Variants in FAM13B observed in about 807,000 individuals in gnomAD.
FAM13B encodes family with sequence similarity 13 member B, also known as protein FAM13B.
Under a neutral mutation model 117.3 loss-of-function variants are expected in FAM13B, and 60 were observed. The ratio of observed to expected loss-of-function variants is 0.51; its 90% CI spans 0.42 to 0.63. FAM13B has a LOEUF of 0.63. Among genes scored for constraint, FAM13B ranks in the 30% least tolerant of loss-of-function variants. The pLI, the probability that FAM13B is intolerant of heterozygous loss-of-function variation, is 0.00. For missense variants in FAM13B, 972 were observed against 1,091.9 expected (o/e 0.89, Z 1.55); for synonymous variants, 332 against 356.1 (o/e 0.93, Z 0.76).
In FAM13B at chr5:138,018,938, A is replaced by G. The variant is rs1785923484; in HGVS notation, c.157+17T>C. On this transcript the variant is annotated intron_variant, in intron 3 of 23. Transcript: ENST00000689681. ...TATTAAAACAAAAGCTAGCCCTCAA[A>G]GTAAGGAAATGTATACCATGTTCCT... 1 of 1,583,390 alleles carries G rather than the reference A, an allele frequency of 6.3e-7. No individual in the cohort carries two copies. The highest frequency in any genetic ancestry group is 1.3e-5 in the African/African-American group (1 of 74,250).
chr5:138,004,218 G>A (rs967334080), intron 7 of FAM13B, among the ~76,000 whole-genome samples: 20 of 150,976 alleles, frequency 1.3e-4, no homozygotes, highest in African/African-American at 3.9e-4. Context: ...GCAGTGAGCC[G>A]AGATCACACC....
chr5:137,954,065 T>TTTTGTTG, intron 15 of FAM13B, 101 bp downstream of exon 15: 1 of 499,342 alleles, frequency 2.0e-6, no homozygotes, highest in South Asian at 4.4e-5. Flanking sequence ...TTTTTTGAGA[T>TTTTGTTG]GGAGTTTCAC....
intron 10 of FAM13B, among the ~76,000 whole-genome samples, chr5:137,973,268 T>C (rs367888668): frequency 6.6e-6 from 1 of 152,048 alleles, no homozygotes; most frequent in Non-Finnish European, 1.5e-5. Context: ...GAGATATAGA[T>C]CAATGGAACA....
At chr5:137,979,462 C>G (rs909375799) in intron 10 of FAM13B, among the ~76,000 whole-genome samples, 1 of 152,190 alleles carries the variant, frequency 6.6e-6, no homozygotes, top group Non-Finnish European at 1.5e-5. Flanking sequence ...ATTCCCTCTG[C>G]TTCAAAGTTT....
chr5:137,943,551 C>T (rs1165154720), intron 20 of FAM13B, among the ~76,000 whole-genome samples: 1 of 152,180 alleles, frequency 6.6e-6, no homozygotes, highest in East Asian at 1.9e-4. Flanking sequence ...CGAGACCATC[C>T]TGGCTAACAC....
At chr5:137,957,044 T>C (rs932590523) in intron 13 of FAM13B, among the ~76,000 whole-genome samples, 2 of 152,186 alleles carry the variant, frequency 1.3e-5, no homozygotes, top group African/African-American at 4.8e-5. Flanking sequence ...TGCTAACTAC[T>C]ACTGCATTCT....
intron 22 of FAM13B, chr5:137,942,568 G>T: frequency 3.2e-6 from 1 of 311,858 alleles, no homozygotes; most frequent in Non-Finnish European, 5.9e-6. Context: ...CCACTATATT[G>T]CCCAGGCTGG....
At chr5:138,024,812 CAGAGAG>C (rs4033316) in intron 1 of FAM13B, among the ~76,000 whole-genome samples, 40,975 of 143,896 alleles carry the variant, frequency 0.28, 5,977 homozygotes, top group South Asian at 0.38. Context: ...CACACACACA[CAGAGAG>C]AGAGAGAGAG....
Position 137,949,133 on chromosome 5 carries a change from C to T in FAM13B, c.1982G>A (p.Arg661His), listed in dbSNP as rs749706241. Residue 661 changes from arginine to histidine, a missense_variant, in exon 18 of 24, where the codon CGT (arginine) becomes CAT (histidine). Arg to His is a conservative substitution (Grantham distance 29). Transcript: ENST00000689681. The stretch of plus-strand genomic sequence containing the variant: ...AAAGCTTTTTGGAAGTGTGTTACTA[C>T]GTGGACGTGTCTGAGGTACAAATTC... ...DGEFVPQTRP[R>H]SNTLPKSFGS... 5.3e-5 allele frequency: 86 copies of T among 1,614,000 alleles called. No homozygotes were observed. In the Admixed American group the frequency reaches 1.1e-3, roughly 20 times the overall value.
chr5:137,965,123 T>C (rs1581109725), intron 10 of FAM13B, among the ~76,000 whole-genome samples: 1 of 152,130 alleles, frequency 6.6e-6, no homozygotes, highest in Non-Finnish European at 1.5e-5. Context: ...GAGTGGAGAC[T>C]GTGCCACTGC....
At chr5:137,964,941 T>G (rs1311507495) in intron 10 of FAM13B, among the ~76,000 whole-genome samples, 2 of 151,728 alleles carry the variant, frequency 1.3e-5, no homozygotes, top group African/African-American at 4.8e-5. Flanking sequence ...CCAAGGCGGA[T>G]GGATCACTTG....
intron 10 of FAM13B, among the ~76,000 whole-genome samples, chr5:137,978,228 G>A (rs771851831): frequency 4.7e-5 from 7 of 149,450 alleles, no homozygotes; most frequent in African/African-American, 7.4e-5. Flanking sequence ...TTTTTTTTCC[G>A]ATGAAGAAAC....
intron 1 of FAM13B, among the ~76,000 whole-genome samples, chr5:138,030,718 C>CG (rs947654028): frequency 7.0e-6 from 1 of 143,666 alleles, no homozygotes; most frequent in African/African-American, 2.6e-5. Context: ...CCGTCCCCCC[C>CG]CCCCAAAAAA....
intron 18 of FAM13B, among the ~76,000 whole-genome samples, chr5:137,947,447 A>C (rs1398008525): frequency 6.6e-6 from 1 of 152,202 alleles, no homozygotes; most frequent in Non-Finnish European, 1.5e-5. Flanking sequence ...CTAACATAAA[A>C]CTTAAAACTA....
chr5:137,970,044 T>C (rs1771563494), intron 10 of FAM13B, among the ~76,000 whole-genome samples: 1 of 152,072 alleles, frequency 6.6e-6, no homozygotes. Context: ...CTGCAGGATA[T>C]TATCCAGGAG....
At chr5:138,037,035 G>A (rs1791232544), upstream of FAM13B, 1 of 166,754 alleles carries the variant, frequency 6.0e-6, no homozygotes, top group African/African-American at 2.4e-5. Context: ...AGAGATGAGA[G>A]AATACCTCAC....
intron 1 of FAM13B, among the ~76,000 whole-genome samples, chr5:138,049,414 C>A (rs554333131): frequency 6.6e-6 from 1 of 152,212 alleles, no homozygotes; most frequent in African/African-American, 2.4e-5. Flanking sequence ...GCTGGGACTA[C>A]AGGCGTGTGC....
At chr5:137,983,217 C>T (rs866956875) in intron 10 of FAM13B, among the ~76,000 whole-genome samples, 22 of 97,138 alleles carry the variant, frequency 2.3e-4, no homozygotes, top group South Asian at 5.9e-4. Flanking sequence ...AAAAAAAAAC[C>T]GAGTGAGATA....
chr5:137,986,261 C>T (rs899281896), intron 9 of FAM13B, among the ~76,000 whole-genome samples: 5 of 152,154 alleles, frequency 3.3e-5, no homozygotes, highest in African/African-American at 1.2e-4. Flanking sequence ...TAAACATTCC[C>T]AGCACTGGTT....
Sources: allele counts gnomAD v4.1 joint callset (sites outside exome capture counted in the v4.1 genomes callset), GRCh38; gene constraint gnomAD v4.1.1; transcripts MANE v1.5; gene names NCBI Gene and HGNC (gene_info 2026-07-23, HGNC 2026-07-21).